Variants in FLYWCH2 observed in about 807,000 individuals in gnomAD.
FLYWCH2 encodes FLYWCH family member 2.
Under a neutral mutation model 6.0 loss-of-function variants are expected in FLYWCH2, and 2 were observed. The ratio of observed to expected loss-of-function variants is 0.33; its 90% CI spans 0.14 to 1.04. The LOEUF is 1.04. Among genes scored for constraint, FLYWCH2 ranks in the 50% least tolerant of loss-of-function variants. The pLI, the probability that FLYWCH2 is intolerant of heterozygous loss-of-function variation, is 0.45. For synonymous variants in FLYWCH2, 87 were observed against 79.3 expected (o/e 1.10, Z -0.52); for missense variants, 192 against 183.4 (o/e 1.05, Z -0.27).
rs376595971 is a variant in FLYWCH2 at position 2,899,130 on chromosome 16, C to T, written c.404C>T (p.Ala135Val). Residue 135 changes from alanine to valine, a missense_variant, in exon 4 of 4, where the codon GCG becomes GTG. Coordinates refer to ENST00000396958, the MANE Select transcript of FLYWCH2 (RefSeq NM_138439.3). ...GAGAACTTTGCCCCCTGCTCTGTGGCGCCCGGCAAGTCCCTGTAACCTTGA... is the reference window on the plus strand; with the variant it reads ...GAGAACTTTGCCCCCTGCTCTGTGGTGCCCGGCAAGTCCCTGTAACCTTGA... ...AGENFAPCSV[A>V]PGKSL is the part of the protein sequence containing the mutation. The T allele has an allele frequency of 2.9e-5, 47 of 1,613,056 alleles. No homozygotes were observed. Among genetic ancestry groups the T allele is most frequent in the Non-Finnish European group, 3.8e-5 (45 of 1,179,628 alleles).
At chr16:2,893,019 TACACAC>T (rs144253671) in intron 1 of FLYWCH2, among the ~76,000 whole-genome samples, 1 of 146,040 alleles carries the variant, frequency 6.8e-6, no homozygotes, top group South Asian at 2.1e-4. Flanking sequence ...TTTATATATA[TACACAC>T]ACACACACAT....
chr16:2,884,166 G>C (rs1488399199), intron 1 of FLYWCH2, among the ~76,000 whole-genome samples: 1 of 152,160 alleles, frequency 6.6e-6, no homozygotes, highest in Non-Finnish European at 1.5e-5. Flanking sequence ...ACCCTTGCCT[G>C]TCATCTATTA....
chr16:2,889,378 T>C (rs929493353), intron 1 of FLYWCH2, among the ~76,000 whole-genome samples: 5 of 151,692 alleles, frequency 3.3e-5, no homozygotes, highest in Admixed American at 2.0e-4. Context: ...GCCCGGCTAA[T>C]TTTTTGTATT....
chr16:2,887,778 G>A (rs1182942065), intron 1 of FLYWCH2, among the ~76,000 whole-genome samples: 1 of 151,666 alleles, frequency 6.6e-6, no homozygotes. Flanking sequence ...TGTTGCCTAG[G>A]CTGGTCTGGA....
chr16:2,892,859 T>G (rs892882650), intron 1 of FLYWCH2, among the ~76,000 whole-genome samples: 1 of 142,726 alleles, frequency 7.0e-6, no homozygotes, highest in East Asian at 2.0e-4. Flanking sequence ...TAACTAAAAT[T>G]TATATATATT....
chr16:2,896,042 G>A (rs1183602123), intron 2 of FLYWCH2, among the ~76,000 whole-genome samples: 2 of 152,212 alleles, frequency 1.3e-5, no homozygotes, highest in African/African-American at 4.8e-5. Flanking sequence ...CTTCGTCCGT[G>A]CTCAGCATGT....
chr16:2,896,036 G>A (rs183367088), intron 2 of FLYWCH2, among the ~76,000 whole-genome samples: 1 of 152,318 alleles, frequency 6.6e-6, no homozygotes, highest in Admixed American at 6.5e-5. Context: ...GAAACCCTTC[G>A]TCCGTGCTCA....
chr16:2,891,252 A>G (rs1236880696), intron 1 of FLYWCH2, among the ~76,000 whole-genome samples: 1 of 152,150 alleles, frequency 6.6e-6, no homozygotes, highest in African/African-American at 2.4e-5. Context: ...GGTAGCAGTA[A>G]TAGAGGTCAT....
intron 1 of FLYWCH2, among the ~76,000 whole-genome samples, chr16:2,887,605 C>T (rs1390579543): frequency 1.3e-5 from 2 of 151,794 alleles, no homozygotes; most frequent in African/African-American, 4.8e-5. Context: ...GAGTCTTGCT[C>T]TGTCACCCAG....
At chr16:2,898,313 T>G (rs1567307214) in intron 3 of FLYWCH2, among the ~76,000 whole-genome samples, 1 of 152,106 alleles carries the variant, frequency 6.6e-6, no homozygotes, top group Non-Finnish European at 1.5e-5. Flanking sequence ...CCAGAGCCGG[T>G]GGGAGTGCCT....
intron 1 of FLYWCH2, among the ~76,000 whole-genome samples, chr16:2,894,696 C>T (rs945072772): frequency 6.6e-6 from 1 of 152,242 alleles, no homozygotes; most frequent in African/African-American, 2.4e-5. Context: ...CAAGTGCCCA[C>T]CCCCTCGAGA....
At chr16:2,883,529 GC>G (rs2069664007) in intron 1 of FLYWCH2, among the ~76,000 whole-genome samples, 163 bp downstream of exon 1, 1 of 152,118 alleles carries the variant, frequency 6.6e-6, no homozygotes, top group Non-Finnish European at 1.5e-5. Flanking sequence ...TTCCCTCTTT[GC>G]CTCTCGCCCC....
chr16:2,885,758 G>A (rs2150842306), intron 1 of FLYWCH2, among the ~76,000 whole-genome samples: 1 of 152,220 alleles, frequency 6.6e-6, no homozygotes, highest in African/African-American at 2.4e-5. Flanking sequence ...CCATCGAAAC[G>A]TTTTGGCTTT....
intron 3 of FLYWCH2, 200 bp downstream of exon 3, chr16:2,896,971 C>G (rs892811158): frequency 4.9e-6 from 3 of 611,978 alleles, no homozygotes; most frequent in Non-Finnish European, 8.6e-6. Flanking sequence ...TCTGAGCGGC[C>G]TTGCCTCTCT....
chr16:2,887,650 A>T (rs2069713801), intron 1 of FLYWCH2, among the ~76,000 whole-genome samples: 1 of 151,784 alleles, frequency 6.6e-6, no homozygotes, highest in South Asian at 2.1e-4. Flanking sequence ...AGCTTACTGC[A>T]GCCTTGACCT....
chr16:2,889,606 GATAAA>G (rs1202995521), intron 1 of FLYWCH2, among the ~76,000 whole-genome samples: 3 of 151,246 alleles, frequency 2.0e-5, no homozygotes, highest in African/African-American at 7.3e-5. Context: ...GGTTTTCTGT[GATAAA>G]ATAGTTAATG....
At chr16:2,884,273 G>A (rs1333750997) in intron 1 of FLYWCH2, among the ~76,000 whole-genome samples, 1 of 152,072 alleles carries the variant, frequency 6.6e-6, no homozygotes, top group Admixed American at 6.6e-5. Context: ...GCCGGTGCTG[G>A]TGGACATTAG....
intron 1 of FLYWCH2, among the ~76,000 whole-genome samples, chr16:2,885,947 C>G (rs1010063338): frequency 2.0e-5 from 3 of 152,198 alleles, no homozygotes; most frequent in African/African-American, 7.2e-5. Flanking sequence ...ACATTCCCCT[C>G]AGCAGTGTAT....
rs1220766932 is a variant in FLYWCH2, at chr16:2,899,072, G to A, written c.346G>A (p.Gly116Arg). 2 of 1,613,718 alleles carry A rather than the reference G, an allele frequency of 1.2e-6. No individual in the cohort carries two copies. The highest frequency in any genetic ancestry group is 1.7e-5 in the Admixed American group (1 of 59,956). Residue 116 changes from glycine (G) to arginine (R), a missense_variant, in exon 4 of 4, where the codon GGA becomes AGA. Gly to Arg is a moderately radical substitution (Grantham distance 125). Coordinates refer to ENST00000396958, the MANE Select transcript of FLYWCH2 (RefSeq NM_138439.3). ...AGGCACAGACAGAACAGAAGACAGT[G>A]GATTAGCAGCGGGGCCTCCTGAGGC... ...DPGTDRTEDS[G>R]LAAGPPEAAG...
Sources: allele counts gnomAD v4.1 joint callset (sites outside exome capture counted in the v4.1 genomes callset), GRCh38; gene constraint gnomAD v4.1.1; transcripts MANE v1.5; gene names NCBI Gene and HGNC (gene_info 2026-07-23, HGNC 2026-07-21).